Variants in WDR20 observed in about 807,000 individuals in gnomAD.
WDR20 encodes WD repeat domain 20.
In WDR20, 3 loss-of-function variants were observed where a neutral mutation model predicts 38.7. The ratio of observed to expected loss-of-function variants is 0.08; its 90% CI spans 0.04 to 0.20. WDR20 has a LOEUF of 0.20. WDR20 is among the 10% of genes least tolerant of loss of function. The pLI is 1.00. For synonymous variants in WDR20, 298 were observed against 285.6 expected, an observed-to-expected ratio of 1.04 and a Z score of -0.44; for missense variants, 559 against 727.7, an observed-to-expected ratio of 0.77 and a Z score of 2.67.
At chr14:102,218,703 G>A (rs1259769141), downstream of WDR20, among the ~76,000 whole-genome samples, 3 of 151,956 alleles carry the variant, frequency 2.0e-5, no homozygotes, top group East Asian at 1.9e-4. Flanking sequence ...GTGACTCTGC[G>A]GGGAGCCAAG....
At chr14:102,145,591 C>G (rs1190742616) in intron 1 of WDR20, among the ~76,000 whole-genome samples, 1 of 152,062 alleles carries the variant, frequency 6.6e-6, no homozygotes, top group East Asian at 1.9e-4. Flanking sequence ...TCGAGACCAG[C>G]CTGGACAACA....
chr14:102,209,227 T>C lies in WDR20; in HGVS notation c.1057T>C (p.Ser353Pro), dbSNP rs2062089672. Reference sequence around the variant, plus strand: ...AGCAAATAGTACACAGTCCAGGCTCTCCAAACGGAACTCTACAGACAGCCG... The same window carrying C: ...AGCAAATAGTACACAGTCCAGGCTCCCCAAACGGAACTCTACAGACAGCCG... Reference protein sequence around the residue: ...DRANSTQSRLSKRNSTDSRPV... With the variant: ...DRANSTQSRLPKRNSTDSRPV... The change falls in exon 3 of 3, where the codon TCC (serine) becomes CCC (proline). Residue 353 changes from serine to proline, a missense_variant. Transcript: ENST00000342702. This position sits in a 1 kb window ranked among gnomAD's most constrained non-coding sequence, Gnocchi z 6.0. 1 of 1,614,162 alleles carries C rather than the reference T, an allele frequency of 6.2e-7. No individual in the cohort carries two copies. Among genetic ancestry groups the C allele is most frequent in the East Asian group, 2.2e-5 (1 of 44,884 alleles).
downstream of WDR20, among the ~76,000 whole-genome samples, chr14:102,218,681 G>T (rs986209618): frequency 6.6e-6 from 1 of 151,844 alleles, no homozygotes; most frequent in Non-Finnish European, 1.5e-5. Flanking sequence ...AGTCTCTAGC[G>T]GGAATAAAAC....
chr14:102,146,297 T>A (rs2053628865), intron 1 of WDR20, among the ~76,000 whole-genome samples: 2 of 152,232 alleles, frequency 1.3e-5, no homozygotes, highest in Admixed American at 1.3e-4. Flanking sequence ...CCGAAGTAGC[T>A]GGGATTACAG....
At chr14:102,188,371 T>C (rs904388322) in intron 1 of WDR20, among the ~76,000 whole-genome samples, 4 of 152,152 alleles carry the variant, frequency 2.6e-5, no homozygotes, top group African/African-American at 9.7e-5. Context: ...TTCAAGTCCT[T>C]CCTCCACATT....
At chr14:102,159,879 AG>A (rs1243453808) in intron 1 of WDR20, among the ~76,000 whole-genome samples, 2 of 151,834 alleles carry the variant, frequency 1.3e-5, no homozygotes, top group Non-Finnish European at 2.9e-5. Context: ...CTGAGGTGGG[AG>A]GATCACTTAA....
Position 102,140,019 on chromosome 14 carries a change from C to T in WDR20, c.96C>T (p.Tyr32=), listed in dbSNP as rs773254962. 6 of 1,614,256 alleles carry T rather than the reference C, an allele frequency of 3.7e-6. No individual in the cohort carries two copies. The highest frequency in any genetic ancestry group is 5.1e-6 in the Non-Finnish European group (6 of 1,180,040). Residue 32 remains tyrosine, a synonymous_variant, in exon 1 of 3, where the codon TAC becomes TAT. Transcript: ENST00000342702. ...ACAAGCTGCTGCCGCACTCGGAGTA[C>T]AGCCGGCCCAACCGGGTGCCCTTCA... ...GLYKLLPHSE[Y]SRPNRVPFNS... is the part of the protein sequence containing the mutation.
rs2061795775 is a variant in WDR20 at position 102,207,675 on chromosome 14, G to A, written c.433-928G>A. On this transcript the variant is annotated intron_variant, in intron 2 of 2. Transcript: ENST00000342702. The surrounding 1 kb of genome is among the most constrained non-coding windows in gnomAD (Gnocchi z 5.0). ...TGGTGATGCGATTTTGCGCTCAGAC[G>A]GTCCAGAAAGGGACCGCCCCTGTGG... Among the ~76,000 whole-genome samples, 2 of 152,188 alleles carry A rather than the reference G, an allele frequency of 1.3e-5. No individual in the cohort carries two copies. Among genetic ancestry groups the A allele is most frequent in the African/African-American group, 2.4e-5 (1 of 41,448 alleles).
intron 2 of WDR20, chr14:102,197,768 A>C (rs1267348882): frequency 2.8e-6 from 2 of 702,282 alleles, no homozygotes; most frequent in East Asian, 2.7e-5. Context: ...TCTTGTCAGC[A>C]CTTGTGGAAG....
chr14:102,181,815 A>C (rs1566945075), intron 1 of WDR20, among the ~76,000 whole-genome samples: 1 of 151,930 alleles, frequency 6.6e-6, no homozygotes, highest in Non-Finnish European at 1.5e-5. Context: ...ACAAGCGTTA[A>C]GTTTTGGATT....
At chr14:102,206,992 G>A (rs1233083983) in intron 2 of WDR20, among the ~76,000 whole-genome samples, 1 of 152,236 alleles carries the variant, frequency 6.6e-6, no homozygotes, top group Non-Finnish European at 1.5e-5. Context: ...TGGGTTTTAG[G>A]TTGTTGGCAT....
intron 1 of WDR20, among the ~76,000 whole-genome samples, chr14:102,140,673 C>T (rs369713736): frequency 6.6e-6 from 1 of 152,240 alleles, no homozygotes; most frequent in South Asian, 2.1e-4. Context: ...AGAACCTGCT[C>T]GGCACGCAGG....
intron 1 of WDR20, 90 bp downstream of exon 1, chr14:102,140,262 G>A: frequency 6.4e-7 from 1 of 1,554,012 alleles, no homozygotes; most frequent in Non-Finnish European, 8.7e-7. Flanking sequence ...TGACCGAGAG[G>A]GGTGGCCGTC....
chr14:102,201,717 C>T (rs1424706737), intron 2 of WDR20, among the ~76,000 whole-genome samples: 2 of 152,140 alleles, frequency 1.3e-5, no homozygotes, highest in African/African-American at 2.4e-5. Context: ...GTCTGTATTT[C>T]GTTTTGCTTT....
intron 1 of WDR20, among the ~76,000 whole-genome samples, chr14:102,152,337 TTAA>T (rs2056185331): frequency 6.6e-6 from 1 of 152,136 alleles, no homozygotes; most frequent in Admixed American, 6.6e-5. Context: ...GCTGACATTA[TTAA>T]TAACATATTA....
chr14:102,158,763 G>C (rs1355029190), intron 1 of WDR20, among the ~76,000 whole-genome samples: 1 of 152,066 alleles, frequency 6.6e-6, no homozygotes, highest in Admixed American at 6.6e-5. Flanking sequence ...TGTACCGGAT[G>C]CCTTCCCTTC....
At chr14:102,158,764 C>T (rs2058012132) in intron 1 of WDR20, among the ~76,000 whole-genome samples, 1 of 152,090 alleles carries the variant, frequency 6.6e-6, no homozygotes, top group Non-Finnish European at 1.5e-5. Context: ...GTACCGGATG[C>T]CTTCCCTTCT....
rs59078063 is a variant in WDR20, at chr14:102,173,433, AATTATTATTATTATTATTATTATT to A, written c.250-21480_250-21457del. Among the ~76,000 whole-genome samples the A allele has an allele frequency of 5.3e-3, 733 of 138,878 alleles. 6 individuals carry two copies. Among genetic ancestry groups the A allele is most frequent in the African/African-American group, 0.017 (630 of 36,492 alleles). The allele number at this position is 138,878 out of a possible 152,430, so 91.1% of individuals were successfully genotyped here. On this transcript the variant is annotated intron_variant, in intron 1 of 2. Coordinates refer to ENST00000342702, the MANE Select transcript of WDR20 (RefSeq NM_144574.4). ...CCGGCCTGTTTTTTTCTTTTTTTAA[AATTATTATTATTATTATTATTATT>A]ATTATTATTATTATTATTATTATTT...
downstream of WDR20, among the ~76,000 whole-genome samples, chr14:102,210,847 A>C (rs1374747580): frequency 2.0e-5 from 3 of 152,164 alleles, no homozygotes; most frequent in Non-Finnish European, 4.4e-5. Context: ...TCTCCCTGAC[A>C]TGGCCCTCGT....
Sources: gnomAD v4.1 joint callset for allele counts (sites outside exome capture counted in the v4.1 genomes callset) on GRCh38, gnomAD v4.1.1 for gene constraint, Gnocchi (gnomAD v3.1) non-coding constraint, MANE v1.5 for transcripts, NCBI Gene and HGNC (gene_info 2026-07-23, HGNC 2026-07-21) for gene names.